Variants in TSHZ3 observed in about 807,000 individuals in gnomAD.
TSHZ3 encodes teashirt zinc finger homeobox 3.
A neutral mutation model predicts 64.5 loss-of-function variants in TSHZ3; 10 were observed. The ratio of observed to expected loss-of-function variants is 0.16; its 90% CI spans 0.10 to 0.26. The LOEUF is 0.26. TSHZ3 is among the 10% of genes least tolerant of loss of function. The pLI, the probability that TSHZ3 is intolerant of heterozygous loss-of-function variation, is 1.00. For missense variants in TSHZ3, 1,242 were observed against 1,421.7 expected (o/e 0.87, Z 2.03); for synonymous variants, 608 against 593.1 (o/e 1.03, Z -0.36).
intron 1 of TSHZ3, among the ~76,000 whole-genome samples, chr19:31,345,210 A>G (rs1205742012): frequency 6.6e-6 from 1 of 152,246 alleles, no homozygotes; most frequent in Non-Finnish European, 1.5e-5. Flanking sequence ...AAAAAATCAT[A>G]GAACGGTCAA....
chr19:31,255,851 G>A (rs1179854091), intron 1 of TSHZ3, among the ~76,000 whole-genome samples: 1 of 152,152 alleles, frequency 6.6e-6, no homozygotes, highest in East Asian at 1.9e-4. Context: ...TGCCAATCCT[G>A]TTCAAGTGTT....
chr19:31,253,046 C>A (rs1975862201), intron 1 of TSHZ3, among the ~76,000 whole-genome samples: 1 of 152,172 alleles, frequency 6.6e-6, no homozygotes, highest in African/African-American at 2.4e-5. Flanking sequence ...TAGGTAAAAA[C>A]AATATATAGA....
chr19:31,267,627 C>T (rs979304563), intron 1 of TSHZ3, among the ~76,000 whole-genome samples: 2 of 148,648 alleles, frequency 1.3e-5, no homozygotes, highest in Non-Finnish European at 3.0e-5. Context: ...GCTTTTAGTT[C>T]CATTTAGGAG....
At chr19:31,181,194 G>T (rs936779673) in intron 5 of TSHZ3, among the ~76,000 whole-genome samples, 3 of 152,146 alleles carry the variant, frequency 2.0e-5, no homozygotes, top group Admixed American at 6.5e-5. Context: ...CCCTCATCTT[G>T]CAGTGGCCAT....
intron 5 of TSHZ3, among the ~76,000 whole-genome samples, chr19:31,175,234 A>C (rs901717385): frequency 6.6e-6 from 1 of 152,128 alleles, no homozygotes; most frequent in Non-Finnish European, 1.5e-5. Flanking sequence ...GAATTCTTAC[A>C]TTGCGCTTTC....
intron 5 of TSHZ3, among the ~76,000 whole-genome samples, chr19:31,163,597 C>G (rs930265525): frequency 6.6e-6 from 1 of 152,088 alleles, no homozygotes; most frequent in Admixed American, 6.6e-5. Context: ...CAGGCCTGGT[C>G]GCGCTTGCCT....
chr19:31,260,897 A>C (rs1324519965), intron 1 of TSHZ3, among the ~76,000 whole-genome samples: 5 of 152,180 alleles, frequency 3.3e-5, no homozygotes, highest in African/African-American at 1.2e-4. Context: ...TGCATTTTTA[A>C]AATTATGAAT....
At position 31,199,398 on chromosome 19, in the gene TSHZ3, G is replaced by C. The variant is rs1485198080; in HGVS notation, n.809+5558C>G. 1.5e-4 allele frequency among the ~76,000 whole-genome samples: 9 copies of C among 59,842 alleles called. No homozygotes were observed. In the South Asian group the frequency reaches 2.1e-3, roughly 14 times the overall value. The allele number at this position is 59,842 out of a possible 152,430, so 39.3% of individuals were successfully genotyped here. On this transcript the variant is annotated intron_variant and non_coding_transcript_variant, in intron 5 of 6. Coordinates refer to the TSHZ3 transcript ENST00000651361. ...CAGCCTGATGACAGAGCGAGACTCC[G>C]CCAAAAAAAAAAAAAAAAAAAAAAG...
At chr19:31,336,410 C>G (rs1403312702) in intron 1 of TSHZ3, among the ~76,000 whole-genome samples, 2 of 152,224 alleles carry the variant, frequency 1.3e-5, no homozygotes, top group South Asian at 4.1e-4. Context: ...TGGGACCACA[C>G]GGAGACAGAT....
chr19:31,153,235 C>A (rs569778787), intron 6 of TSHZ3, among the ~76,000 whole-genome samples: 1 of 152,020 alleles, frequency 6.6e-6, no homozygotes, highest in Non-Finnish European at 1.5e-5. Flanking sequence ...GATTACTGTT[C>A]GTCAAAAAGA....
chr19:31,242,504 G>A (rs991716203), exon 3 of TSHZ3, among the ~76,000 whole-genome samples: 9 of 152,062 alleles, frequency 5.9e-5, no homozygotes, highest in African/African-American at 2.2e-4. Context: ...GCAGAAGATG[G>A]GTGCCTCGGT....
chr19:31,185,030 A>G (rs1184700416), intron 5 of TSHZ3, among the ~76,000 whole-genome samples: 1 of 152,084 alleles, frequency 6.6e-6, no homozygotes, highest in East Asian at 1.9e-4. Flanking sequence ...CTCCTGAGAC[A>G]GGGACACCTT....
At position 31,231,230 on chromosome 19, in the gene TSHZ3, T is replaced by C. The variant is rs570345830; in HGVS notation, n.551-3090A>G. On this transcript the variant is annotated intron_variant and non_coding_transcript_variant, in intron 3 of 6. Coordinates refer to the TSHZ3 transcript ENST00000651361. ...CAAAAGGATTATTGCCTGGGATTCA[T>C]AGAGAAAGAAAACTGAGACCAGGAT... Among the ~76,000 whole-genome samples, 6 of 152,256 alleles carry C rather than the reference T, an allele frequency of 3.9e-5. No homozygotes were observed. The East Asian group carries it at 9.7e-4, about 25-fold the overall frequency.
At chr19:31,223,293 TG>T (rs1425304148) in intron 4 of TSHZ3, among the ~76,000 whole-genome samples, 1 of 152,132 alleles carries the variant, frequency 6.6e-6, no homozygotes, top group Non-Finnish European at 1.5e-5. Flanking sequence ...CCTCTGTATT[TG>T]TGGGGCCTCA....
At chr19:31,197,076 A>G (rs978787739) in intron 5 of TSHZ3, among the ~76,000 whole-genome samples, 2 of 151,956 alleles carry the variant, frequency 1.3e-5, no homozygotes, top group African/African-American at 4.8e-5. Context: ...AATACACCTT[A>G]GCAAATTAAA....
intron 3 of TSHZ3, among the ~76,000 whole-genome samples, chr19:31,237,743 C>A (rs1975638125): frequency 6.6e-6 from 1 of 152,130 alleles, no homozygotes; most frequent in African/African-American, 2.4e-5. Context: ...GCTATACATT[C>A]TTTTCGAAGT....
chr19:31,331,102 T>C (rs1464734765), intron 1 of TSHZ3, among the ~76,000 whole-genome samples: 2 of 151,954 alleles, frequency 1.3e-5, no homozygotes, highest in Non-Finnish European at 1.5e-5. Context: ...CTCTAAGGAC[T>C]GAAGGAGGGA....
chr19:31,314,775 C>G (rs2145159067), intron 1 of TSHZ3, among the ~76,000 whole-genome samples: 1 of 152,272 alleles, frequency 6.6e-6, no homozygotes, highest in African/African-American at 2.4e-5. Context: ...CCTTGAGTGT[C>G]CACCTCCGGG....
At chr19:31,269,927 G>A (rs1022902008) in intron 1 of TSHZ3, among the ~76,000 whole-genome samples, 5 of 152,162 alleles carry the variant, frequency 3.3e-5, no homozygotes, top group African/African-American at 7.2e-5. Context: ...TGACAGCCAC[G>A]CCAGCCACGG....
Sources: allele counts gnomAD v4.1 joint callset (sites outside exome capture counted in the v4.1 genomes callset), GRCh38; gene constraint gnomAD v4.1.1; transcripts MANE v1.5; gene names NCBI Gene and HGNC (gene_info 2026-07-23, HGNC 2026-07-21).